The following RBFOX1 variants were observed in gnomAD, a reference collection of about 807,000 sequenced individuals.
RBFOX1 encodes RNA binding fox-1 homolog 1.
Under a neutral mutation model 57.7 loss-of-function variants are expected in RBFOX1, and 8 were observed. The ratio of observed to expected loss-of-function variants is 0.14; its 90% CI spans 0.08 to 0.25. The LOEUF (loss-of-function observed/expected upper bound fraction) is 0.25. RBFOX1 is among the 10% of genes least tolerant of loss of function. The probability of loss-of-function intolerance (pLI) is 1.00; values close to 1 mark genes in which losing one functional copy is unlikely to be tolerated. For missense variants in RBFOX1, 611 were observed against 548.5 expected (o/e 1.11, Z -1.14); for synonymous variants, 326 against 222.4 (o/e 1.47, Z -4.15).
At chr16:6,277,827 G>A (rs182094362) in intron 1 of RBFOX1, among the ~76,000 whole-genome samples, 2 of 152,230 alleles carry the variant, frequency 1.3e-5, no homozygotes, top group Admixed American at 6.5e-5. Flanking sequence ...GATTCTGATT[G>A]CGATTAGGAT....
chr16:7,353,184 C>T (rs1234400627), intron 4 of RBFOX1, among the ~76,000 whole-genome samples: 1 of 152,120 alleles, frequency 6.6e-6, no homozygotes, highest in Non-Finnish European at 1.5e-5. Flanking sequence ...AATTGATTCA[C>T]AAAAACCATA....
intron 14 of RBFOX1, among the ~76,000 whole-genome samples, chr16:7,677,160 C>CACACACACAG (rs1555762483): frequency 1.3e-5 from 2 of 151,228 alleles, no homozygotes; most frequent in East Asian, 3.9e-4. Flanking sequence ...CACACACACA[C>CACACACACAG]CGTACAACCT....
chr16:6,683,541 TTTG>T (rs1238786692), intron 3 of RBFOX1, among the ~76,000 whole-genome samples: 1 of 152,202 alleles, frequency 6.6e-6, no homozygotes. Flanking sequence ...TAGCTTTTGT[TTTG>T]TTTTCGTTAC....
At chr16:7,349,245 C>A (rs910365139) in intron 4 of RBFOX1, among the ~76,000 whole-genome samples, 1 of 152,154 alleles carries the variant, frequency 6.6e-6, no homozygotes, top group African/African-American at 2.4e-5. Flanking sequence ...AGCCTTCTAT[C>A]ACAAGTGGAG....
chr16:6,927,845 A>C (rs1260305883), intron 3 of RBFOX1, among the ~76,000 whole-genome samples: 2 of 152,226 alleles, frequency 1.3e-5, no homozygotes, highest in Non-Finnish European at 2.9e-5. Context: ...GAAAATGTGG[A>C]TCTCACAACA....
rs145512637 is a variant in RBFOX1 at position 6,684,404 on chromosome 16, C to A, written c.-16+29754C>A. Among the ~76,000 whole-genome samples, 6 of 152,262 alleles carry A rather than the reference C, an allele frequency of 3.9e-5. No homozygotes were observed. In the East Asian group the frequency reaches 1.2e-3, roughly 29 times the overall value. On this transcript the variant is annotated intron_variant, in intron 3 of 15. Transcript: ENST00000550418. ...TGAGGGCAGATGTTTTCATCTTTTCCCCCAGTTTAAGTATCATAGGAGAGG... is the reference window on the plus strand; with the variant it reads ...TGAGGGCAGATGTTTTCATCTTTTCACCCAGTTTAAGTATCATAGGAGAGG...
At chr16:7,020,103 A>T (rs2094130964) in intron 3 of RBFOX1, among the ~76,000 whole-genome samples, 1 of 150,968 alleles carries the variant, frequency 6.6e-6, no homozygotes, top group African/African-American at 2.4e-5. Context: ...TTGTCAAGGT[A>T]TTTACTACAA....
intron 13 of RBFOX1, among the ~76,000 whole-genome samples, chr16:7,672,633 G>A (rs1271449274): frequency 1.3e-5 from 2 of 151,810 alleles, no homozygotes; most frequent in African/African-American, 2.4e-5. Context: ...GAGACCTAAG[G>A]CAGGCAGATT....
chr16:7,703,988 C>G (rs778683658), intron 14 of RBFOX1, among the ~76,000 whole-genome samples: 1 of 152,212 alleles, frequency 6.6e-6, no homozygotes, highest in Non-Finnish European at 1.5e-5. Context: ...GTATCATAAT[C>G]TCCTCTATCT....
chr16:5,661,680 G>A lies in RBFOX1; in HGVS notation c.318+62719G>A, dbSNP rs2049656592. Among the ~76,000 whole-genome samples, 3 of 152,302 alleles carry A rather than the reference G, an allele frequency of 2.0e-5. No individual in the cohort carries two copies. In the South Asian group the frequency reaches 6.2e-4, roughly 32 times the overall value. On this transcript the variant is annotated intron_variant, in intron 3 of 19. Coordinates refer to the RBFOX1 transcript ENST00000641259. ...CTCACCCGTAGTTAGTTACTATTGT[G>A]TATGGTGAAGACACTTAAAGTCTGC...
chr16:5,574,443 G>A (rs1022688255), intron 2 of RBFOX1, among the ~76,000 whole-genome samples: 4 of 147,380 alleles, frequency 2.7e-5, no homozygotes, highest in African/African-American at 1.0e-4. Flanking sequence ...TTTTTAAGAC[G>A]GTGTCTCTGT....
rs372261977 is a variant in RBFOX1, at chr16:7,220,436, C to G, written c.27+168338C>G. Among the ~76,000 whole-genome samples the G allele has an allele frequency of 3.9e-4, 59 of 152,270 alleles. 1 individual carries two copies. In the South Asian group the frequency reaches 0.012, roughly 31 times the overall value. Reference sequence around the variant, plus strand: ...TTACAATGCTAGAGAGAAAAGTGTTCATAGGAACCTAAAGAGACAGTGTGT... The same window carrying G: ...TTACAATGCTAGAGAGAAAAGTGTTGATAGGAACCTAAAGAGACAGTGTGT... On this transcript the variant is annotated intron_variant, in intron 4 of 15. Transcript: ENST00000550418.
At chr16:7,611,311 C>T (rs959189305) in intron 10 of RBFOX1, among the ~76,000 whole-genome samples, 4 of 152,104 alleles carry the variant, frequency 2.6e-5, no homozygotes, top group Admixed American at 6.5e-5. Flanking sequence ...ATTGACCAGG[C>T]GTGGTGGCTC....
intron 4 of RBFOX1, among the ~76,000 whole-genome samples, chr16:5,934,341 A>C (rs539043786): frequency 1.3e-5 from 2 of 152,298 alleles, no homozygotes; most frequent in African/African-American, 4.8e-5. Flanking sequence ...TATTATATCT[A>C]TTGTGCTTAT....
chr16:6,717,966 G>A (rs1169799207), intron 3 of RBFOX1, among the ~76,000 whole-genome samples: 1 of 152,138 alleles, frequency 6.6e-6, no homozygotes, highest in African/African-American at 2.4e-5. Flanking sequence ...AATAAATTCT[G>A]TAGGTGGCCT....
Position 5,764,061 on chromosome 16 carries a change from G to A in RBFOX1, c.319-103242G>A, listed in dbSNP as rs114104325. Among the ~76,000 whole-genome samples the A allele has an allele frequency of 7.2e-3, 1,090 of 152,244 alleles. 15 individuals are homozygous for A. The highest frequency in any genetic ancestry group is 0.025 in the African/African-American group (1,029 of 41,530). On this transcript the variant is annotated intron_variant, in intron 3 of 19. Coordinates refer to the RBFOX1 transcript ENST00000641259. ...TTAGAATCACATCACACACACCGTA[G>A]GTGTCTAATAAATACTTAACTAATG...
At chr16:7,230,052 A>T (rs1174340594) in intron 4 of RBFOX1, among the ~76,000 whole-genome samples, 4 of 63,438 alleles carry the variant, frequency 6.3e-5, no homozygotes, top group African/African-American at 1.8e-4. Context: ...GAGAGGAAGG[A>T]AAGGAGAGAG....
chr16:7,238,444 C>G (rs939623091), intron 4 of RBFOX1, among the ~76,000 whole-genome samples: 1 of 152,206 alleles, frequency 6.6e-6, no homozygotes, highest in Non-Finnish European at 1.5e-5. Flanking sequence ...TTTGCTTCCA[C>G]AGAGCCTTTG....
rs556574032 is a variant in RBFOX1, at chr16:5,396,525, C to G, written c.220-70691C>G. 3.6e-4 allele frequency among the ~76,000 whole-genome samples: 55 copies of G among 152,232 alleles called. 1 individual carries two copies. The South Asian group carries it at 0.011, about 32-fold the overall frequency. On this transcript the variant is annotated intron_variant, in intron 1 of 2. Coordinates refer to the RBFOX1 transcript ENST00000585867. Reference sequence around the variant, plus strand: ...GGTGTGGCAGCACATGCCTGTATTCCCAACTACTCAGGAGGCTGAGGCACA... The same window carrying G: ...GGTGTGGCAGCACATGCCTGTATTCGCAACTACTCAGGAGGCTGAGGCACA...
Sources: gnomAD v4.1 joint callset for allele counts (sites outside exome capture counted in the v4.1 genomes callset) on GRCh38, gnomAD v4.1.1 for gene constraint, MANE v1.5 for transcripts, NCBI Gene and HGNC (gene_info 2026-07-23, HGNC 2026-07-21) for gene names.